The following HCRTR2 variants were observed in gnomAD, a reference collection of about 807,000 sequenced individuals.
The protein encoded by HCRTR2 is orexin receptor type 2.
In HCRTR2, 22 loss-of-function variants were observed where a neutral mutation model predicts 49.0. The ratio of observed to expected loss-of-function variants is 0.45; its 90% CI spans 0.32 to 0.64. The LOEUF (loss-of-function observed/expected upper bound fraction) is 0.64. HCRTR2 is among the 30% of genes least tolerant of loss of function. HCRTR2 has a pLI of 0.04. For missense variants in HCRTR2, 491 were observed against 559.4 expected, an observed-to-expected ratio of 0.88 and a Z score of 1.23; for synonymous variants, 236 against 205.3, an observed-to-expected ratio of 1.15 and a Z score of -1.28.
intron 2 of HCRTR2, among the ~76,000 whole-genome samples, chr6:55,252,949 C>T (rs1007466329): frequency 2.0e-5 from 3 of 151,900 alleles, no homozygotes; most frequent in Admixed American, 1.3e-4. Flanking sequence ...ACATTTTCAT[C>T]TCAACTAACT....
At chr6:55,144,622 G>A (rs1031943387) in intron 1 of HCRTR2, among the ~76,000 whole-genome samples, 3 of 152,246 alleles carry the variant, frequency 2.0e-5, no homozygotes, top group Non-Finnish European at 4.4e-5. Context: ...CTCCTAAGTA[G>A]AGCGCACGTT....
At chr6:55,258,762 G>T (rs1029055748) in intron 3 of HCRTR2, among the ~76,000 whole-genome samples, 2 of 152,232 alleles carry the variant, frequency 1.3e-5, no homozygotes, top group Admixed American at 1.3e-4. Context: ...CCTACAGAAA[G>T]AAATTCTTTG....
intron 1 of HCRTR2, among the ~76,000 whole-genome samples, chr6:55,179,153 A>T (rs566920482): frequency 6.6e-6 from 1 of 152,172 alleles, no homozygotes; most frequent in Non-Finnish European, 1.5e-5. Context: ...TTGCAAGTTC[A>T]TGTTACTCCT....
intron 1 of HCRTR2, among the ~76,000 whole-genome samples, chr6:55,213,558 G>C (rs1390235326): frequency 2.0e-5 from 3 of 152,092 alleles, no homozygotes; most frequent in Non-Finnish European, 2.9e-5. Flanking sequence ...CTGTATCTCA[G>C]ATGAGTGCAA....
intron 4 of HCRTR2, among the ~76,000 whole-genome samples, chr6:55,274,637 G>A (rs1451064334): frequency 1.3e-5 from 2 of 151,932 alleles, no homozygotes; most frequent in Admixed American, 1.3e-4. Flanking sequence ...TACGAGTGGT[G>A]AGAGAAGACT....
At chr6:55,250,500 A>G (rs748132436) in intron 2 of HCRTR2, among the ~76,000 whole-genome samples, 26 of 152,164 alleles carry the variant, frequency 1.7e-4, no homozygotes, top group Admixed American at 2.6e-4. Flanking sequence ...CAGAATCTTC[A>G]ACTGACTGGT....
At chr6:55,241,804 T>C (rs1766336833) in intron 1 of HCRTR2, among the ~76,000 whole-genome samples, 1 of 150,666 alleles carries the variant, frequency 6.6e-6, no homozygotes, top group South Asian at 2.1e-4. Context: ...TTGAGGGACA[T>C]CATTATTAGT....
chr6:55,282,182 T>C (rs773793435), intron 6 of HCRTR2, 43 bp from the exon 7 acceptor site: 8 of 1,377,688 alleles, frequency 5.8e-6, no homozygotes, highest in Non-Finnish European at 4.1e-6. Flanking sequence ...TGTTGAAGCA[T>C]TTATGTATAA....
In HCRTR2 at chr6:55,282,437, C is replaced by T; in HGVS notation, c.1318C>T (p.Pro440Ser). 1 of 1,583,740 alleles carries T rather than the reference C, an allele frequency of 6.3e-7. No individual in the cohort carries two copies. The highest frequency in any genetic ancestry group is 2.2e-5 in the East Asian group (1 of 44,594). Residue 440 changes from proline (P) to serine (S), a missense_variant, in exon 7 of 7, where the codon CCA (proline) becomes TCA (serine). Pro to Ser is a moderately conservative substitution (Grantham distance 74, BLOSUM62 -1). Transcript: ENST00000370862. ...ACTCCCAGCAGCCAATGGAGCAGGACCACTTCAAAACTGGTAGAATATTTA... is the reference window on the plus strand; with the variant it reads ...ACTCCCAGCAGCCAATGGAGCAGGATCACTTCAAAACTGGTAGAATATTTA... ...STLPAANGAG[P>S]LQNW
intron 4 of HCRTR2, among the ~76,000 whole-genome samples, chr6:55,269,387 G>A (rs1766927729): frequency 6.6e-6 from 1 of 151,878 alleles, no homozygotes; most frequent in African/African-American, 2.4e-5. Context: ...AAAATAAAAG[G>A]CATGACGATC....
At chr6:55,152,644 T>A (rs1764678752) in intron 1 of HCRTR2, among the ~76,000 whole-genome samples, 1 of 151,818 alleles carries the variant, frequency 6.6e-6, no homozygotes, top group African/African-American at 2.4e-5. Flanking sequence ...TGAGGGCCCT[T>A]TTTTGGGGTG....
At chr6:55,215,498 A>T (rs567611465) in intron 1 of HCRTR2, among the ~76,000 whole-genome samples, 10 of 152,158 alleles carry the variant, frequency 6.6e-5, no homozygotes, top group Non-Finnish European at 1.5e-4. Context: ...TATAAAGCTC[A>T]TTGGTCAAAG....
intron 1 of HCRTR2, among the ~76,000 whole-genome samples, chr6:55,228,935 A>G (rs1766061566): frequency 6.6e-6 from 1 of 152,140 alleles, no homozygotes; most frequent in Admixed American, 6.6e-5. Flanking sequence ...TGAATTCAGG[A>G]ACAAACTTTG....
intron 1 of HCRTR2, among the ~76,000 whole-genome samples, chr6:55,224,324 G>A (rs996973856): frequency 3.3e-5 from 5 of 151,972 alleles, no homozygotes; most frequent in Admixed American, 1.3e-4. Context: ...ATGGATAAAC[G>A]TAGAAAACAT....
At chr6:55,178,877 T>G (rs1765084753) in intron 1 of HCRTR2, among the ~76,000 whole-genome samples, 1 of 152,200 alleles carries the variant, frequency 6.6e-6, no homozygotes, top group African/African-American at 2.4e-5. Context: ...GTCCCATTCA[T>G]TTAGAGTTTT....
intron 1 of HCRTR2, among the ~76,000 whole-genome samples, chr6:55,145,298 C>G (rs1194347982): frequency 6.6e-6 from 1 of 152,004 alleles, no homozygotes. Flanking sequence ...ACATTCTTGA[C>G]GTTGTTGCAT....
Position 55,263,907 on chromosome 6 carries a change from CTTTT to C in HCRTR2, c.762+91_762+94del. On this transcript the variant is annotated intron_variant, in intron 4 of 6. Coordinates refer to ENST00000370862, the MANE Select transcript of HCRTR2 (RefSeq NM_001384272.1). The stretch of plus-strand genomic sequence containing the variant: ...ATTCCTTCCAAATATTTTGTCTGTG[CTTTT>C]TTTTTAGGATGCACTTATAAACAAA... 4 of 862,948 alleles carry C rather than the reference CTTTT, an allele frequency of 4.6e-6. 1 individual carries two copies. In the Middle Eastern group the frequency reaches 8.7e-4, roughly 187 times the overall value. 53.5% of individuals were successfully genotyped at this position (862,948 alleles called of 1,614,324 possible). A position where few individuals can be genotyped will look rare whatever the true frequency, so the allele number is the denominator to read the frequency against.
chr6:55,143,643 C>T (rs1764539920), intron 1 of HCRTR2, among the ~76,000 whole-genome samples: 1 of 152,164 alleles, frequency 6.6e-6, no homozygotes. Context: ...AGTGAATGTG[C>T]ATTATGCCAA....
chr6:55,213,719 T>G (rs1369943852), intron 1 of HCRTR2, among the ~76,000 whole-genome samples: 2 of 152,172 alleles, frequency 1.3e-5, no homozygotes, highest in Non-Finnish European at 1.5e-5. Context: ...TCTAATATTC[T>G]GATGGGGATG....
Sources: gnomAD v4.1 joint callset for allele counts (sites outside exome capture counted in the v4.1 genomes callset) on GRCh38, gnomAD v4.1.1 for gene constraint, MANE v1.5 for transcripts, NCBI Gene and HGNC (gene_info 2026-07-23, HGNC 2026-07-21) for gene names.